SEC14L2: variants seen among roughly 807,000 people sequenced by gnomAD.
The protein encoded by SEC14L2 is SEC14 like lipid binding 2.
Under a neutral mutation model 56.9 loss-of-function variants are expected in SEC14L2, and 50 were observed. That is an observed-to-expected ratio of 0.88 (90% CI 0.70 to 1.11). The LOEUF (loss-of-function observed/expected upper bound fraction) is 1.11. Ranked by LOEUF, SEC14L2 falls within the 50% of genes most tolerant of loss-of-function variation. SEC14L2 has a pLI of 0.00. For synonymous variants in SEC14L2, 179 were observed against 188.5 expected, an observed-to-expected ratio of 0.95 and a Z score of 0.41; for missense variants, 414 against 500.7, an observed-to-expected ratio of 0.83 and a Z score of 1.65.
intron 2 of SEC14L2, among the ~76,000 whole-genome samples, chr22:30,406,003 T>G (rs975239229): frequency 1.3e-5 from 2 of 152,008 alleles, no homozygotes; most frequent in African/African-American, 4.8e-5. Context: ...GAAGGCCAAA[T>G]GATAAGAGGA....
intron 11 of SEC14L2, chr22:30,416,792 G>A: frequency 8.3e-7 from 1 of 1,197,702 alleles, no homozygotes; most frequent in Non-Finnish European, 1.0e-6. Context: ...CACAAGGTAA[G>A]CAGATGCTCA....
intron 5 of SEC14L2, 142 bp from the exon 6 acceptor site, chr22:30,409,045 T>C: frequency 1.3e-6 from 1 of 777,614 alleles, no homozygotes; most frequent in Non-Finnish European, 2.3e-6. Flanking sequence ...GGGGTGATTA[T>C]CTCAGTTTGG....
rs2146051391 is a variant in SEC14L2, at chr22:30,424,253, CTGTCT to C, written c.*1847_*1851del. On this transcript the variant is annotated 3_prime_UTR_variant, in exon 12 of 12. Transcript: ENST00000615189. ...AGCAGCGATCACGTGGTTTTAGGGA[CTGTCT>C]AATAATTCCACGCCAGCATTGCCGG... 1 of 161,510 alleles carries C rather than the reference CTGTCT, an allele frequency of 6.2e-6. No individual in the cohort carries two copies. Among genetic ancestry groups the C allele is most frequent in the African/African-American group, 2.4e-5 (1 of 41,630 alleles). The allele number at this position is 161,510 out of a possible 1,614,324, so 10.0% of individuals were successfully genotyped here. A position where few individuals can be genotyped will look rare whatever the true frequency, so the allele number is the denominator to read the frequency against.
At chr22:30,415,679 T>C (rs375423664) in intron 8 of SEC14L2, 80 bp from the exon 9 acceptor site, 29 of 1,262,850 alleles carry the variant, frequency 2.3e-5, no homozygotes, top group South Asian at 1.9e-4. Context: ...TCTGCCTCTT[T>C]AGTGTAGACC....
chr22:30,400,658 G>C (rs1488380130), intron 2 of SEC14L2, among the ~76,000 whole-genome samples: 2 of 151,862 alleles, frequency 1.3e-5, no homozygotes, highest in East Asian at 3.9e-4. Context: ...AGTTTGGGAG[G>C]CTAGGCGGGC....
intron 8 of SEC14L2, 54 bp from the exon 9 acceptor site, chr22:30,415,705 A>G: frequency 6.6e-7 from 1 of 1,520,434 alleles, no homozygotes; most frequent in Admixed American, 1.7e-5. Flanking sequence ...GGTTATGGCG[A>G]AATCTTACCT....
intron 5 of SEC14L2, chr22:30,408,964 A>T (rs1317314699): frequency 1.6e-6 from 1 of 619,810 alleles, no homozygotes; most frequent in Non-Finnish European, 3.0e-6. Flanking sequence ...AGATCCACCC[A>T]GTCATGTACT....
At position 30,423,197 on chromosome 22, in the gene SEC14L2, G is replaced by A. The variant is rs1489314649; in HGVS notation, c.*790G>A. ...GGGGTGGGAGTGAATGCTAAAAGCA[G>A]ATCGTCCAGTGCCCTTTTCAGTGCT... On this transcript the variant is annotated 3_prime_UTR_variant, in exon 12 of 12. Transcript: ENST00000615189. The A allele has an allele frequency of 6.5e-6, 1 of 152,850 alleles. No individual in the cohort carries two copies. Among genetic ancestry groups the A allele is most frequent in the Admixed American group, 6.5e-5 (1 of 15,288 alleles). 9.5% of individuals were successfully genotyped at this position (152,850 alleles called of 1,614,324 possible).
At chr22:30,405,419 T>C (rs1474326144) in intron 2 of SEC14L2, among the ~76,000 whole-genome samples, 1 of 152,178 alleles carries the variant, frequency 6.6e-6, no homozygotes, top group Non-Finnish European at 1.5e-5. Context: ...GCAAGTGGCC[T>C]TGGGGGTCAG....
intron 2 of SEC14L2, among the ~76,000 whole-genome samples, chr22:30,403,732 G>A (rs1025682691): frequency 3.9e-5 from 6 of 152,160 alleles, no homozygotes; most frequent in Non-Finnish European, 7.4e-5. Context: ...GGCTGGGCGC[G>A]GTGGCTCACG....
At chr22:30,402,027 A>G (rs1933952335) in intron 2 of SEC14L2, among the ~76,000 whole-genome samples, 1 of 152,112 alleles carries the variant, frequency 6.6e-6, no homozygotes, top group Non-Finnish European at 1.5e-5. Flanking sequence ...CTGCTTGTAA[A>G]CATCTGAGGG....
intron 1 of SEC14L2, chr22:30,397,449 C>T (rs1178975313): frequency 4.4e-6 from 2 of 454,290 alleles, no homozygotes; most frequent in Non-Finnish European, 7.8e-6. Flanking sequence ...CCCCGGAGGC[C>T]GCTGAGGGCA....
At chr22:30,397,374 A>AC (rs1933784483) in intron 1 of SEC14L2, among the ~76,000 whole-genome samples, 1 of 151,836 alleles carries the variant, frequency 6.6e-6, no homozygotes, top group Non-Finnish European at 1.5e-5. Flanking sequence ...AAGTTTGGCC[A>AC]CCCCCCGCCC....
At chr22:30,414,676 T>A (rs1307637049) in intron 8 of SEC14L2, among the ~76,000 whole-genome samples, 1 of 152,074 alleles carries the variant, frequency 6.6e-6, no homozygotes, top group Non-Finnish European at 1.5e-5. Flanking sequence ...ACCTGGCTGA[T>A]ATTTGTGAAT....
chr22:30,415,719 G>T, intron 8 of SEC14L2, 40 bp from the exon 9 acceptor site: 1 of 1,576,178 alleles, frequency 6.3e-7, no homozygotes, highest in Non-Finnish European at 8.7e-7. Context: ...CTTACCTAGT[G>T]TTGAGATACA....
rs1437094517 is a variant in SEC14L2, at chr22:30,415,120, A to G, written c.665-639A>G. 2.6e-5 allele frequency among the ~76,000 whole-genome samples: 4 copies of G among 152,250 alleles called. No individual in the cohort carries two copies. The South Asian group carries it at 8.3e-4, about 32-fold the overall frequency. ...GTAATAACATACTCTTAACGTGTAT[A>G]AGGCACTTTATGGTTTAAAAAGCCC... On this transcript the variant is annotated intron_variant, in intron 8 of 11. Coordinates refer to ENST00000615189, the MANE Select transcript of SEC14L2 (RefSeq NM_012429.5).
rs1177585636 is a variant in SEC14L2, at chr22:30,424,830, G to C, written c.*2423G>C. The stretch of plus-strand genomic sequence containing the variant: ...CACCTGGGTGAACTGAGGTCCAGCG[G>C]GGGAAGGCTTCCTCCTGTTGTAATC... On this transcript the variant is annotated 3_prime_UTR_variant, in exon 12 of 12. Transcript: ENST00000615189. 2.2e-6 allele frequency: 1 copy of C among 456,520 alleles called. No homozygotes were observed. The allele number at this position is 456,520 out of a possible 1,614,324, so 28.3% of individuals were successfully genotyped here. A position where few individuals can be genotyped will look rare whatever the true frequency, so the allele number is the denominator to read the frequency against.
intron 11 of SEC14L2, among the ~76,000 whole-genome samples, chr22:30,417,489 G>A (rs1025745452): frequency 2.6e-5 from 4 of 152,174 alleles, no homozygotes; most frequent in African/African-American, 4.8e-5. Flanking sequence ...AGCTGAGCTG[G>A]ACTTGACTAA....
In SEC14L2 at chr22:30,407,459, G is replaced by T. The variant is rs1370152432; in HGVS notation, c.279G>T (p.Leu93=). Residue 93 remains leucine, a synonymous_variant, in exon 5 of 12, where the codon CTG becomes CTT. Transcript: ENST00000615189. ...CAGGGGGTATGTGTGGCTATGACCTGGATGGCTGCCCAGTCTGGTACGACA... is the reference window on the plus strand; with the variant it reads ...CAGGGGGTATGTGTGGCTATGACCTTGATGGCTGCCCAGTCTGGTACGACA... ...YLSGGMCGYD[L]DGCPVWYDII... 1.9e-6 allele frequency: 3 copies of T among 1,614,174 alleles called. No homozygotes were observed. The South Asian group carries it at 3.3e-5, about 18-fold the overall frequency.
Sources: allele counts gnomAD v4.1 joint callset (sites outside exome capture counted in the v4.1 genomes callset), GRCh38; gene constraint gnomAD v4.1.1; transcripts MANE v1.5; gene names NCBI Gene and HGNC (gene_info 2026-07-23, HGNC 2026-07-21).